The following PTN variants were observed in gnomAD, a reference collection of about 807,000 sequenced individuals.
The protein encoded by PTN is heparin affin regulatory protein.
In PTN, 18 loss-of-function variants were observed where a neutral mutation model predicts 24.1. The ratio of observed to expected loss-of-function variants is 0.75; its 90% CI spans 0.52 to 1.11. PTN has a LOEUF of 1.11. PTN is among the 50% of genes least tolerant of loss of function. The probability of loss-of-function intolerance (pLI) is 0.00; values close to 1 mark genes in which losing one functional copy is unlikely to be tolerated. For missense variants in PTN, 163 were observed against 198.8 expected (o/e 0.82, Z 1.08); for synonymous variants, 78 against 68.6 (o/e 1.14, Z -0.67).
chr7:137,306,909 G>C (rs1809898315), intron 1 of PTN, among the ~76,000 whole-genome samples: 1 of 151,990 alleles, frequency 6.6e-6, no homozygotes, highest in African/African-American at 2.4e-5. Context: ...CTTTAGTGCT[G>C]GCTTTACTAT....
At chr7:137,299,693 C>T (rs1022974344) in intron 1 of PTN, among the ~76,000 whole-genome samples, 1 of 151,950 alleles carries the variant, frequency 6.6e-6, no homozygotes, top group Non-Finnish European at 1.5e-5. Flanking sequence ...GAGACCGTTT[C>T]CTGACTCCTC....
chr7:137,300,489 A>G (rs1244239076), intron 1 of PTN, among the ~76,000 whole-genome samples: 1 of 151,894 alleles, frequency 6.6e-6, no homozygotes, highest in Non-Finnish European at 1.5e-5. Context: ...AACAGAGAGG[A>G]TATTGGGGCA....
At chr7:137,242,391 C>CGT (rs1808646099) in intron 4 of PTN, among the ~76,000 whole-genome samples, 1 of 152,134 alleles carries the variant, frequency 6.6e-6, no homozygotes, top group African/African-American at 2.4e-5. Context: ...GTAACAGCAG[C>CGT]GTGTGGCTTG....
chr7:137,264,882 C>A (rs1176280543), intron 1 of PTN, among the ~76,000 whole-genome samples: 1 of 152,024 alleles, frequency 6.6e-6, no homozygotes. Flanking sequence ...GACATGGGGG[C>A]CAGCCTTTGG....
At chr7:137,322,191 A>G (rs1045499814) in intron 1 of PTN, among the ~76,000 whole-genome samples, 2 of 152,140 alleles carry the variant, frequency 1.3e-5, no homozygotes, top group Admixed American at 1.3e-4. Context: ...TGAAAGCTCA[A>G]TGAAAGCAGG....
intron 1 of PTN, among the ~76,000 whole-genome samples, chr7:137,286,206 A>G (rs184504321): frequency 6.6e-6 from 1 of 152,370 alleles, no homozygotes; most frequent in East Asian, 1.9e-4. Flanking sequence ...AGATAAAGTC[A>G]TTGAGGTATA....
chr7:137,319,523 GTCC>G (rs1338834790), intron 1 of PTN, among the ~76,000 whole-genome samples: 1 of 152,168 alleles, frequency 6.6e-6, no homozygotes, highest in African/African-American at 2.4e-5. Flanking sequence ...CAAGACCACA[GTCC>G]TCCTTGTTTA....
At position 137,248,169 on chromosome 7, in the gene PTN, A is replaced by C. The variant is rs565459980; in HGVS notation, c.451+3061T>G. On this transcript the variant is annotated intron_variant, in intron 4 of 4. Coordinates refer to ENST00000348225, the MANE Select transcript of PTN (RefSeq NM_002825.7). ...CCCATTGATTAGTAGAATGTAAGCT[A>C]TCTTAAAATTAGAGACGTGCAAAGG... Among the ~76,000 whole-genome samples the C allele has an allele frequency of 6.6e-5, 10 of 152,348 alleles. No homozygotes were observed. In the South Asian group the frequency reaches 1.9e-3, roughly 28 times the overall value.
Position 137,343,445 on chromosome 7 carries a change from T to C in PTN, c.-8A>G, listed in dbSNP as rs770150637. ...GTACGTTCCTCTCACTTACTTTGAG[T>C]TGGAAACGTCCTCTCTGGCGCTCAG... is the stretch of plus-strand genomic sequence containing the variant. On this transcript the variant is annotated 5_prime_UTR_variant, in exon 1 of 5. Transcript: ENST00000348225. The C allele has an allele frequency of 1.9e-6, 1 of 515,448 alleles. No individual in the cohort carries two copies. Among genetic ancestry groups the C allele is most frequent in the South Asian group, 1.4e-5 (1 of 71,026 alleles). 31.9% of individuals were successfully genotyped at this position (515,448 alleles called of 1,614,324 possible).
chr7:137,238,665 T>C (rs773173245), intron 4 of PTN, among the ~76,000 whole-genome samples: 1 of 152,170 alleles, frequency 6.6e-6, no homozygotes, highest in African/African-American at 2.4e-5. Context: ...TGACTTCAAG[T>C]TCAAGACTGA....
intron 1 of PTN, among the ~76,000 whole-genome samples, chr7:137,256,065 A>C (rs1298525721): frequency 6.6e-6 from 1 of 152,138 alleles, no homozygotes; most frequent in Non-Finnish European, 1.5e-5. Context: ...AGGGGTTGAG[A>C]TTATTCTTTT....
intron 1 of PTN, among the ~76,000 whole-genome samples, chr7:137,332,883 G>GA (rs1450473031): frequency 9.2e-5 from 14 of 152,164 alleles, no homozygotes; most frequent in South Asian, 2.1e-4. Context: ...GCTAGGTCTT[G>GA]AAAAAAGCCA....
chr7:137,250,653 A>G (rs1808808317), intron 4 of PTN, among the ~76,000 whole-genome samples: 1 of 152,200 alleles, frequency 6.6e-6, no homozygotes, highest in Non-Finnish European at 1.5e-5. Context: ...CCAGCAAGAG[A>G]GCAGAGCCTG....
chr7:137,260,936 G>C (rs1254225935), intron 1 of PTN, among the ~76,000 whole-genome samples: 1 of 152,008 alleles, frequency 6.6e-6, no homozygotes, highest in Non-Finnish European at 1.5e-5. Flanking sequence ...ATAAAGAAAT[G>C]TTTTCCTTCA....
intron 1 of PTN, among the ~76,000 whole-genome samples, chr7:137,314,394 A>G (rs1448116503): frequency 6.6e-6 from 1 of 152,190 alleles, no homozygotes; most frequent in Non-Finnish European, 1.5e-5. Context: ...CAATTGATGG[A>G]AGGTAGACAT....
At chr7:137,292,256 C>T (rs1308712121) in intron 1 of PTN, among the ~76,000 whole-genome samples, 1 of 152,090 alleles carries the variant, frequency 6.6e-6, no homozygotes, top group East Asian at 1.9e-4. Context: ...ACATCATCTG[C>T]ATACTTTAAT....
At chr7:137,324,453 A>AT in intron 1 of PTN, among the ~76,000 whole-genome samples, 1 of 106,626 alleles carries the variant, frequency 9.4e-6, no homozygotes, top group Non-Finnish European at 2.0e-5. Flanking sequence ...TATATATATA[A>AT]ATTAACCTTC....
chr7:137,329,249 C>T (rs2128882464), intron 1 of PTN, among the ~76,000 whole-genome samples: 1 of 152,256 alleles, frequency 6.6e-6, no homozygotes, highest in East Asian at 1.9e-4. Context: ...ATTATTAATG[C>T]TGGTGAATTG....
At chr7:137,294,991 T>C (rs192957361) in intron 1 of PTN, among the ~76,000 whole-genome samples, 32 of 152,272 alleles carry the variant, frequency 2.1e-4, no homozygotes, top group African/African-American at 7.7e-4. Flanking sequence ...TGGTGACTTA[T>C]GTTGATGACA....
Sources: allele counts gnomAD v4.1 joint callset (sites outside exome capture counted in the v4.1 genomes callset), GRCh38; gene constraint gnomAD v4.1.1; transcripts MANE v1.5; gene names NCBI Gene and HGNC (gene_info 2026-07-23, HGNC 2026-07-21).